Variants in SOX6 observed in about 807,000 individuals in gnomAD.
The protein encoded by SOX6 is transcription factor SOX-6.
A neutral mutation model predicts 97.8 loss-of-function variants in SOX6; 11 were observed. The observed-to-expected ratio is 0.11, with a 90% CI of 0.07 to 0.19. The LOEUF is 0.19. Ranked by LOEUF, SOX6 falls within the 10% of genes least tolerant of loss-of-function variation. The probability of loss-of-function intolerance (pLI) is 1.00; values close to 1 mark genes in which losing one functional copy is unlikely to be tolerated. For synonymous variants in SOX6, 360 were observed against 371.4 expected (o/e 0.97, Z 0.35); for missense variants, 810 against 1,039.5 (o/e 0.78, Z 3.04).
chr11:16,656,534 G>C (rs1165617298), intron 3 of SOX6, among the ~76,000 whole-genome samples: 1 of 152,054 alleles, frequency 6.6e-6, no homozygotes, highest in East Asian at 1.9e-4. Flanking sequence ...TCAGATTTTA[G>C]ACTTTTAATT....
chr11:16,234,773 T>G, intron 3 of SOX6, 102 bp from the exon 4 acceptor site: 1 of 641,684 alleles, frequency 1.6e-6, no homozygotes, highest in Non-Finnish European at 2.6e-6. Context: ...AAAGCTGTTT[T>G]TGTTGCTGTA....
intron 12 of SOX6, among the ~76,000 whole-genome samples, chr11:16,025,714 C>A (rs1175530568): frequency 6.6e-6 from 1 of 151,954 alleles, no homozygotes; most frequent in African/African-American, 2.4e-5. Flanking sequence ...AGCTGGAAAA[C>A]TGATAAATTT....
At chr11:16,664,047 G>A (rs895542128) in intron 3 of SOX6, among the ~76,000 whole-genome samples, 1 of 152,066 alleles carries the variant, frequency 6.6e-6, no homozygotes, top group African/African-American at 2.4e-5. Context: ...AGTAGCACTT[G>A]AGCCTAAGAG....
chr11:16,502,941 G>C (rs1184421308), intron 4 of SOX6, among the ~76,000 whole-genome samples: 1 of 152,136 alleles, frequency 6.6e-6, no homozygotes, highest in African/African-American at 2.4e-5. Flanking sequence ...AAAAGTTAAA[G>C]AGAGAATTAA....
At chr11:16,577,137 A>G (rs1847991969) in intron 4 of SOX6, 1 of 152,218 alleles carries the variant, frequency 6.6e-6, no homozygotes, top group African/African-American at 2.4e-5. Context: ...AAAGGAATTG[A>G]AGGAGTCGGT....
chr11:16,044,211 G>T (rs1248463395), intron 12 of SOX6, among the ~76,000 whole-genome samples: 1 of 152,006 alleles, frequency 6.6e-6, no homozygotes, highest in Non-Finnish European at 1.5e-5. Context: ...CCAAATCTGT[G>T]CCACATTCCT....
chr11:16,461,430 C>T (rs572354467), intron 1 of SOX6, among the ~76,000 whole-genome samples: 1 of 152,032 alleles, frequency 6.6e-6, no homozygotes, highest in South Asian at 2.1e-4. Context: ...TATGATCTAC[C>T]GAATGCCTTA....
At chr11:16,586,521 C>T (rs376423131) in intron 4 of SOX6, among the ~76,000 whole-genome samples, 21 of 152,178 alleles carry the variant, frequency 1.4e-4, no homozygotes, top group African/African-American at 4.3e-4. Context: ...ATAGCCTGGG[C>T]AAGACAGTGA....
chr11:16,697,062 C>G (rs1400100371), intron 3 of SOX6, among the ~76,000 whole-genome samples: 1 of 152,176 alleles, frequency 6.6e-6, no homozygotes, highest in Non-Finnish European at 1.5e-5. Context: ...TTTGCTCATC[C>G]ATAAAATGCA....
chr11:16,015,789 A>C (rs1854865749), intron 12 of SOX6, among the ~76,000 whole-genome samples: 1 of 151,946 alleles, frequency 6.6e-6, no homozygotes, highest in African/African-American at 2.4e-5. Context: ...GACCATCATT[A>C]ATATGGTGTT....
intron 3 of SOX6, among the ~76,000 whole-genome samples, chr11:16,292,949 T>A (rs1365381416): frequency 1.3e-5 from 2 of 152,092 alleles, no homozygotes; most frequent in African/African-American, 2.4e-5. Flanking sequence ...CTAAAGTAAA[T>A]ATAATTTTTA....
chr11:16,034,752 C>T (rs1411904871), intron 12 of SOX6, among the ~76,000 whole-genome samples: 1 of 152,114 alleles, frequency 6.6e-6, no homozygotes, highest in Non-Finnish European at 1.5e-5. Flanking sequence ...CACATATACA[C>T]CCAGGTCAAC....
At chr11:16,253,266 T>C (rs915093582) in intron 3 of SOX6, among the ~76,000 whole-genome samples, 1 of 151,894 alleles carries the variant, frequency 6.6e-6, no homozygotes, top group Non-Finnish European at 1.5e-5. Context: ...GGAGAATCCA[T>C]TGAACCCAGG....
intron 15 of SOX6, among the ~76,000 whole-genome samples, chr11:15,985,582 T>C (rs1483715471): frequency 6.6e-6 from 1 of 152,206 alleles, no homozygotes; most frequent in Non-Finnish European, 1.5e-5. Flanking sequence ...TTGAAATTTA[T>C]ACCAGAAATC....
At chr11:16,240,994 G>A (rs1853179015) in intron 3 of SOX6, among the ~76,000 whole-genome samples, 1 of 58,932 alleles carries the variant, frequency 1.7e-5, no homozygotes, top group Non-Finnish European at 4.1e-5. Flanking sequence ...CTTCAGATAT[G>A]AAGTAAGACA....
chr11:16,305,327 C>T (rs947550643), intron 3 of SOX6, among the ~76,000 whole-genome samples: 2 of 152,186 alleles, frequency 1.3e-5, no homozygotes, highest in African/African-American at 4.8e-5. Context: ...ACATCATTAG[C>T]CATAGCATAA....
chr11:16,013,196 G>A (rs1045989879), intron 13 of SOX6, among the ~76,000 whole-genome samples: 2 of 152,064 alleles, frequency 1.3e-5, no homozygotes, highest in South Asian at 2.1e-4. Context: ...CGCGGGTAAG[G>A]TGACAGAGCT....
chr11:16,541,725 A>G (rs1861412242), intron 4 of SOX6, among the ~76,000 whole-genome samples: 1 of 152,244 alleles, frequency 6.6e-6, no homozygotes, highest in Admixed American at 6.5e-5. Flanking sequence ...GCTCATCATC[A>G]CTGGTTATCA....
chr11:16,275,285 C>A (rs942240088), intron 3 of SOX6, among the ~76,000 whole-genome samples: 257 of 122,778 alleles, frequency 2.1e-3, no homozygotes, highest in African/African-American at 2.9e-3. Flanking sequence ...ACCAAAAATA[C>A]AAAAAAAAAA....
Sources: allele counts gnomAD v4.1 joint callset (sites outside exome capture counted in the v4.1 genomes callset), GRCh38; gene constraint gnomAD v4.1.1; transcripts MANE v1.5; gene names NCBI Gene and HGNC (gene_info 2026-07-23, HGNC 2026-07-21).